Variants in DOCK7 observed in about 807,000 individuals in gnomAD.
DOCK7 encodes dedicator of cytokinesis protein 7.
DOCK7 carries 138 observed loss-of-function variants against 271.0 expected under a neutral mutation model. That is an observed-to-expected ratio of 0.51 (90% confidence interval 0.44 to 0.59). The LOEUF (loss-of-function observed/expected upper bound fraction) is 0.59, where lower values mean the gene tolerates loss of function less well. Among genes scored for constraint, DOCK7 ranks in the 20% least tolerant of loss-of-function variants. The pLI, the probability that DOCK7 is intolerant of heterozygous loss-of-function variation, is 0.00. For missense variants in DOCK7, 2,066 were observed against 2,592.4 expected (o/e 0.80, Z 4.41); for synonymous variants, 823 against 876.1 (o/e 0.94, Z 1.07).
chr1:62,584,191 T>C, intron 15 of DOCK7: 1 of 984,430 alleles, frequency 1.0e-6, no homozygotes, highest in Non-Finnish European at 1.2e-6. Context: ...GTATTTCTGT[T>C]TCTTTTTGCA....
intron 20 of DOCK7, 75 bp downstream of exon 20, chr1:62,558,914 T>G (rs1459756170): frequency 1.1e-5 from 7 of 648,262 alleles, no homozygotes; most frequent in Non-Finnish European, 1.6e-5. Context: ...AGAAATCATG[T>G]TTTTTTTTTT....
intron 49 of DOCK7, among the ~76,000 whole-genome samples, chr1:62,455,916 C>A (rs1645334595): frequency 1.3e-5 from 2 of 151,974 alleles, no homozygotes; most frequent in South Asian, 4.2e-4. Context: ...TTTATCATAT[C>A]AGAAATTAAA....
chr1:62,513,827 G>A lies in DOCK7; in HGVS notation c.4008C>T (p.Leu1336=). 6.2e-7 allele frequency: 1 copy of A among 1,614,088 alleles called. No individual in the cohort carries two copies. The change falls in exon 32 of 50, where the codon CTC becomes CTT. Residue 1336 remains leucine, a synonymous_variant. Coordinates refer to ENST00000635253, the MANE Select transcript of DOCK7 (RefSeq NM_001367561.1). ...GTAGAACTGTTTCATCTGCATTTTTGAGAACCCAAAGTAGACAGATCAAAA... is the reference window on the plus strand; with the variant it reads ...GTAGAACTGTTTCATCTGCATTTTTAAGAACCCAAAGTAGACAGATCAAAA... ...RSLLICLLWV[L]KNADETVLQK... is the part of the protein sequence containing the mutation.
At chr1:62,664,166 A>G (rs1659001026) in intron 1 of DOCK7, among the ~76,000 whole-genome samples, 2 of 152,218 alleles carry the variant, frequency 1.3e-5, no homozygotes, top group African/African-American at 4.8e-5. Context: ...GTCAGGGGCT[A>G]GAGTGGGGAC....
intron 29 of DOCK7, among the ~76,000 whole-genome samples, chr1:62,532,878 T>A (rs1449908937): frequency 1.3e-5 from 2 of 151,742 alleles, no homozygotes; most frequent in African/African-American, 4.8e-5. Flanking sequence ...AGGAAGAGAG[T>A]GGCAGGAGTA....
chr1:62,542,976 T>C (rs1645585737), intron 24 of DOCK7, among the ~76,000 whole-genome samples: 1 of 152,188 alleles, frequency 6.6e-6, no homozygotes, highest in South Asian at 2.1e-4. Context: ...AAATTGTACC[T>C]GCAAACAGAA....
intron 31 of DOCK7, among the ~76,000 whole-genome samples, chr1:62,526,431 G>A (rs1557668363): frequency 6.6e-6 from 1 of 151,976 alleles, no homozygotes; most frequent in East Asian, 1.9e-4. Flanking sequence ...GTGTTGATGA[G>A]GATTTGGAGA....
intron 36 of DOCK7, 29 bp from the exon 37 acceptor site, chr1:62,504,811 G>A: frequency 6.2e-7 from 1 of 1,604,540 alleles, no homozygotes; most frequent in Non-Finnish European, 8.5e-7. Context: ...AACCACCACT[G>A]AATTTTTACA....
chr1:62,533,221 C>T (rs1645233484), intron 29 of DOCK7, among the ~76,000 whole-genome samples: 1 of 152,002 alleles, frequency 6.6e-6, no homozygotes, highest in Non-Finnish European at 1.5e-5. Flanking sequence ...TCCTATCTTT[C>T]TTCCAATTTT....
intron 37 of DOCK7, among the ~76,000 whole-genome samples, chr1:62,504,151 T>C (rs1420503247): frequency 6.6e-6 from 1 of 151,184 alleles, no homozygotes; most frequent in Non-Finnish European, 1.5e-5. Context: ...ACGCCAAAAA[T>C]AGCACTTAAA....
chr1:62,574,145 C>A (rs1646871278), intron 18 of DOCK7, among the ~76,000 whole-genome samples: 1 of 152,066 alleles, frequency 6.6e-6, no homozygotes, highest in Non-Finnish European at 1.5e-5. Flanking sequence ...GTTTCTAATT[C>A]AGCCTCTAGA....
chr1:62,472,457 C>G (rs574559203), intron 48 of DOCK7, among the ~76,000 whole-genome samples: 4 of 152,254 alleles, frequency 2.6e-5, no homozygotes, highest in Admixed American at 6.5e-5. Context: ...CAGATAGTAA[C>G]ACTTAAGGAG....
At chr1:62,601,762 A>G in intron 14 of DOCK7, 2 of 1,574,336 alleles carry the variant, frequency 1.3e-6, no homozygotes, top group East Asian at 4.5e-5. Context: ...CATTTTATTG[A>G]TTCTAGGCAT....
At chr1:62,464,537 C>T (rs990275395) in intron 48 of DOCK7, among the ~76,000 whole-genome samples, 15 of 151,802 alleles carry the variant, frequency 9.9e-5, no homozygotes, top group African/African-American at 3.4e-4. Flanking sequence ...CAAAAATTAG[C>T]TGGGTGTGGT....
In DOCK7 at chr1:62,544,944, C is replaced by T; in HGVS notation, c.2859+3G>A. 2 of 1,548,180 alleles carry T rather than the reference C, an allele frequency of 1.3e-6. No individual in the cohort carries two copies. Among genetic ancestry groups the T allele is most frequent in the Non-Finnish European group, 1.7e-6 (2 of 1,145,330 alleles). On this transcript the variant is annotated splice_donor_region_variant and intron_variant, in intron 23 of 49. Transcript: ENST00000635253. The stretch of plus-strand genomic sequence containing the variant: ...ATAAAGAAACCTCTAATATAAACAC[C>T]ACCTGTGTTGATTCTGCACTTGGAC...
chr1:62,563,238 C>A (rs553423506), intron 18 of DOCK7, among the ~76,000 whole-genome samples: 1 of 152,262 alleles, frequency 6.6e-6, no homozygotes, highest in East Asian at 1.9e-4. Flanking sequence ...TGGACCTTCA[C>A]CTCTACCTGA....
intron 1 of DOCK7, among the ~76,000 whole-genome samples, chr1:62,678,433 T>C (rs1406638087): frequency 1.1e-4 from 17 of 152,166 alleles, no homozygotes; most frequent in Admixed American, 1.1e-3. Context: ...GGAATAAATC[T>C]AACAAAAGAT....
intron 1 of DOCK7, among the ~76,000 whole-genome samples, chr1:62,678,687 A>C (rs1030137383): frequency 1.3e-5 from 2 of 152,152 alleles, no homozygotes; most frequent in African/African-American, 4.8e-5. Context: ...CAAAGGGCTA[A>C]GAGCAGTCAA....
intron 48 of DOCK7, among the ~76,000 whole-genome samples, chr1:62,473,335 G>C (rs1234386368): frequency 6.6e-6 from 1 of 152,046 alleles, no homozygotes; most frequent in Non-Finnish European, 1.5e-5. Context: ...GTATTCTGGG[G>C]GGAGGGAAGC....
Sources: gnomAD v4.1 joint callset for allele counts (sites outside exome capture counted in the v4.1 genomes callset) on GRCh38, gnomAD v4.1.1 for gene constraint, MANE v1.5 for transcripts, NCBI Gene and HGNC (gene_info 2026-07-23, HGNC 2026-07-21) for gene names.